HMGB1: variants seen among roughly 807,000 people sequenced by gnomAD.
HMGB1 encodes high mobility group box 1, also known as high mobility group protein B1.
For synonymous variants in HMGB1, 81 were observed against 84.0 expected (o/e 0.96, Z 0.19); for missense variants, 79 against 253.5 (o/e 0.31, Z 4.67).
chr13:30,582,551 T>C (rs1870948231), intron 1 of HMGB1, among the ~76,000 whole-genome samples: 1 of 151,616 alleles, frequency 6.6e-6, no homozygotes, highest in South Asian at 2.1e-4. Context: ...GGCCGGAGAA[T>C]GGCATGAACC....
At chr13:30,505,063 C>T (rs548488665) in intron 1 of HMGB1, among the ~76,000 whole-genome samples, 16 of 150,394 alleles carry the variant, frequency 1.1e-4, no homozygotes, top group South Asian at 8.5e-4. Context: ...CTCTGCCTCC[C>T]GGGTTTAAGC....
At position 30,465,144 on chromosome 13, in the gene HMGB1, A is replaced by C. The variant is rs1240787970; in HGVS notation, c.-15+652T>G. 14 of 962,108 alleles carry C rather than the reference A, an allele frequency of 1.5e-5. No individual in the cohort carries two copies. In the African/African-American group the frequency reaches 2.5e-4, roughly 17 times the overall value. The allele number at this position is 962,108 out of a possible 1,614,324, so 59.6% of individuals were successfully genotyped here. ...TCTCCAGCCAGCAGCGCCGGGCCCG[A>C]GTCAGCCATGTTCCAGCGAGCGCAG... On this transcript the variant is annotated intron_variant, in intron 1 of 4. Coordinates refer to ENST00000341423, the MANE Select transcript of HMGB1 (RefSeq NM_002128.7).
At chr13:30,538,742 C>CT (rs1868702645) in intron 1 of HMGB1, among the ~76,000 whole-genome samples, 1 of 106,254 alleles carries the variant, frequency 9.4e-6, no homozygotes, top group African/African-American at 3.4e-5. Context: ...TTCTTTCTTT[C>CT]TTCTTTTTCT....
chr13:30,506,643 C>T (rs992611781), intron 1 of HMGB1, among the ~76,000 whole-genome samples: 4 of 152,162 alleles, frequency 2.6e-5, no homozygotes, highest in African/African-American at 9.7e-5. Context: ...TTGATCCATC[C>T]ACACTCGAGC....
chr13:30,464,096 GAATA>G (rs935891046), intron 1 of HMGB1: 149 of 985,782 alleles, frequency 1.5e-4, no homozygotes, highest in Non-Finnish European at 1.7e-4. Flanking sequence ...ACTAGATAGG[GAATA>G]AACAAGGGCC....
At chr13:30,585,089 G>A (rs1351415153) in intron 1 of HMGB1, among the ~76,000 whole-genome samples, 1 of 151,860 alleles carries the variant, frequency 6.6e-6, no homozygotes, top group East Asian at 1.9e-4. Flanking sequence ...GATTGAGGTT[G>A]CAGTGAGCCG....
At chr13:30,557,902 G>A (rs988509791) in intron 1 of HMGB1, among the ~76,000 whole-genome samples, 2 of 152,228 alleles carry the variant, frequency 1.3e-5, no homozygotes. Flanking sequence ...TTCGGTATGT[G>A]TTCATGTGGT....
At chr13:30,597,368 G>A (rs1871661773) in intron 1 of HMGB1, among the ~76,000 whole-genome samples, 1 of 152,180 alleles carries the variant, frequency 6.6e-6, no homozygotes, top group Non-Finnish European at 1.5e-5. Flanking sequence ...AGAGTCATGG[G>A]ACAGGTTCTC....
rs1310064776 is a variant in HMGB1 at position 30,492,466 on chromosome 13, C to T, written c.-14-28772G>A. Reference sequence around the variant, plus strand: ...CAGTAAGAAAGCAATGCAATTTTTTCAGTAGGCAAAAGACAAACAAATGCT... The same window carrying T: ...CAGTAAGAAAGCAATGCAATTTTTTTAGTAGGCAAAAGACAAACAAATGCT... On this transcript the variant is annotated intron_variant, in intron 1 of 4. Coordinates refer to the HMGB1 transcript ENST00000405805. Among the ~76,000 whole-genome samples, 3 of 151,900 alleles carry T rather than the reference C, an allele frequency of 2.0e-5. No individual in the cohort carries two copies. In the East Asian group the frequency reaches 5.8e-4, roughly 29 times the overall value.
At chr13:30,554,600 GA>G in intron 1 of HMGB1, 1 of 771,336 alleles carries the variant, frequency 1.3e-6, no homozygotes. Context: ...AATAATGACT[GA>G]AAAATACAAT....
chr13:30,469,536 G>A (rs1886873173), upstream of HMGB1, among the ~76,000 whole-genome samples: 1 of 58,688 alleles, frequency 1.7e-5, no homozygotes, highest in African/African-American at 3.5e-5. Context: ...GCATGATCAC[G>A]GCTCACTGCA....
chr13:30,560,246 G>A lies in HMGB1; in HGVS notation c.-15+56425C>T, dbSNP rs75228388. Among the ~76,000 whole-genome samples, 1,181 of 152,306 alleles carry A rather than the reference G, an allele frequency of 7.8e-3. 24 individuals carry two copies. Among genetic ancestry groups the A allele is most frequent in the East Asian group, 0.04 (208 of 5,182 alleles). ...ACCAGGAAAAAGTAGGGTCATGTAA[G>A]TCAAAGCAGGAAAAAAGTTCCATGG... On this transcript the variant is annotated intron_variant, in intron 1 of 4. Transcript: ENST00000405805.
At chr13:30,598,393 C>A (rs545729203) in intron 1 of HMGB1, among the ~76,000 whole-genome samples, 1 of 152,338 alleles carries the variant, frequency 6.6e-6, no homozygotes, top group Non-Finnish European at 1.5e-5. Flanking sequence ...AATGTGGCCA[C>A]TGCTGTTTTC....
At chr13:30,574,713 T>C (rs916020497) in intron 1 of HMGB1, among the ~76,000 whole-genome samples, 1 of 152,206 alleles carries the variant, frequency 6.6e-6, no homozygotes, top group African/African-American at 2.4e-5. Context: ...ATAAAAAATG[T>C]TATGGGTTGT....
At chr13:30,609,062 C>T (rs189211303) in intron 1 of HMGB1, among the ~76,000 whole-genome samples, 3 of 149,270 alleles carry the variant, frequency 2.0e-5, no homozygotes, top group East Asian at 3.9e-4. Context: ...GAGATCAAGA[C>T]CATCCTGGCT....
chr13:30,511,648 C>T (rs1033403403), intron 1 of HMGB1, among the ~76,000 whole-genome samples: 7 of 152,142 alleles, frequency 4.6e-5, no homozygotes, highest in African/African-American at 1.2e-4. Flanking sequence ...GTCTATTGAA[C>T]GCAGTTTTTC....
chr13:30,505,146 ATATATT>A (rs1394561217), intron 1 of HMGB1, among the ~76,000 whole-genome samples: 1 of 83,854 alleles, frequency 1.2e-5, no homozygotes, highest in African/African-American at 5.1e-5. Context: ...ATTTATATAT[ATATATT>A]TATATATTTG....
intron 1 of HMGB1, among the ~76,000 whole-genome samples, chr13:30,510,461 AAAAG>A (rs1887967029): frequency 6.6e-6 from 1 of 152,228 alleles, no homozygotes; most frequent in Non-Finnish European, 1.5e-5. Context: ...TCTGGGAAAA[AAAAG>A]AAAGGATAAA....
chr13:30,527,933 T>A (rs950995935), intron 1 of HMGB1, among the ~76,000 whole-genome samples: 1 of 152,218 alleles, frequency 6.6e-6, no homozygotes, highest in African/African-American at 2.4e-5. Flanking sequence ...CTTTTAAAAT[T>A]GAAATTTTAA....
Sources: gnomAD v4.1 joint callset for allele counts (sites outside exome capture counted in the v4.1 genomes callset) on GRCh38, gnomAD v4.1.1 for gene constraint, MANE v1.5 for transcripts, NCBI Gene and HGNC (gene_info 2026-07-23, HGNC 2026-07-21) for gene names.